The following TBC1D19 variants were observed in gnomAD, a reference collection of about 807,000 sequenced individuals.
TBC1D19 encodes the protein TBC1 domain family member 19.
TBC1D19 carries 60 observed loss-of-function variants against 89.0 expected under a neutral mutation model. That is an observed-to-expected ratio of 0.67 (90% confidence interval 0.55 to 0.84). The LOEUF is 0.84. Ranked by LOEUF, TBC1D19 falls within the 40% of genes least tolerant of loss-of-function variation. TBC1D19 has a pLI of 0.00. For missense variants in TBC1D19, 500 were observed against 610.8 expected (o/e 0.82, Z 1.91); for synonymous variants, 189 against 199.7 (o/e 0.95, Z 0.45).
At chr4:26,792,610 G>GT in the TBC1D19 span, among the ~76,000 whole-genome samples, 1 of 152,322 alleles carries the variant, frequency 6.6e-6, no homozygotes, top group East Asian at 1.9e-4. Context: ...AGCAACCTGC[G>GT]TAAGCATACG....
chr4:26,718,346 T>A (rs1716773482), intron 14 of TBC1D19, among the ~76,000 whole-genome samples: 1 of 151,898 alleles, frequency 6.6e-6, no homozygotes, highest in Non-Finnish European at 1.5e-5. Context: ...TTTCTACTTT[T>A]TTTAACAATC....
At chr4:26,657,005 C>CCTTCTCCTTCTCCTTCTCCTTCTA (rs1744885115) in intron 7 of TBC1D19, among the ~76,000 whole-genome samples, 1 of 46,348 alleles carries the variant, frequency 2.2e-5, no homozygotes. Context: ...TTCTCCTTCT[C>CCTTCTCCTTCTCCTTCTCCTTCTA]CTTCTCCTTC....
chr4:26,767,310 A>T, the TBC1D19 span, among the ~76,000 whole-genome samples: 1 of 152,206 alleles, frequency 6.6e-6, no homozygotes. Flanking sequence ...TTTATCCCAC[A>T]GTTTCTCAGC....
the TBC1D19 span, among the ~76,000 whole-genome samples, chr4:26,839,123 A>G: frequency 1.3e-5 from 2 of 152,226 alleles, no homozygotes; most frequent in African/African-American, 2.4e-5. Context: ...AGGGCTGTCA[A>G]ATAGTTTCCT....
intron 4 of TBC1D19, among the ~76,000 whole-genome samples, chr4:26,626,972 C>T (rs1205533239): frequency 6.6e-6 from 1 of 150,476 alleles, no homozygotes; most frequent in African/African-American, 2.4e-5. Context: ...ATGTGCCATG[C>T]TGGTGTGCTG....
chr4:26,730,360 A>G (rs1317676252), intron 15 of TBC1D19, among the ~76,000 whole-genome samples: 3 of 152,180 alleles, frequency 2.0e-5, no homozygotes, highest in Non-Finnish European at 4.4e-5. Context: ...AAGGAATACA[A>G]TTCTTAAGTA....
chr4:26,768,577 T>C, the TBC1D19 span, among the ~76,000 whole-genome samples: 8 of 152,260 alleles, frequency 5.3e-5, no homozygotes, highest in East Asian at 1.4e-3. Flanking sequence ...TTTTATAACT[T>C]TGTCCTATTT....
chr4:26,622,011 G>T (rs1302201241), intron 4 of TBC1D19, among the ~76,000 whole-genome samples: 1 of 151,898 alleles, frequency 6.6e-6, no homozygotes, highest in Non-Finnish European at 1.5e-5. Flanking sequence ...ACCAAACACC[G>T]CATGTTCTCA....
chr4:26,769,595 T>G, the TBC1D19 span, among the ~76,000 whole-genome samples: 4 of 151,288 alleles, frequency 2.6e-5, no homozygotes, highest in Admixed American at 2.0e-4. Flanking sequence ...CAGCCTGGAG[T>G]GTAGTGGTGT....
chr4:26,753,896 GA>G lies in TBC1D19; in HGVS notation c.1506+7del, dbSNP rs1719117184. 6.2e-7 allele frequency: 1 copy of G among 1,613,726 alleles called. No individual in the cohort carries two copies. Among genetic ancestry groups the G allele is most frequent in the African/African-American group, 1.3e-5 (1 of 74,898 alleles). On this transcript the variant is annotated splice_region_variant and intron_variant, in intron 20 of 20. Transcript: ENST00000264866. ...CATCACTGGCTGCAGCTGAAGTAAGGATAAGTTTCACTCAGATGGGATGGAA... is the reference window on the plus strand; with the variant it reads ...CATCACTGGCTGCAGCTGAAGTAAGGTAAGTTTCACTCAGATGGGATGGAA...
At chr4:26,589,283 AAACAAC>A (rs374314890) in intron 1 of TBC1D19, among the ~76,000 whole-genome samples, 2 of 151,866 alleles carry the variant, frequency 1.3e-5, no homozygotes, top group African/African-American at 2.4e-5. Flanking sequence ...TCAAAAACAC[AAACAAC>A]AACAACAACA....
the TBC1D19 span, among the ~76,000 whole-genome samples, chr4:26,793,449 G>T: frequency 3.3e-5 from 5 of 152,170 alleles, no homozygotes; most frequent in Non-Finnish European, 1.5e-5. Context: ...CTCTGGCTGG[G>T]CACAGTGGCT....
At chr4:26,591,037 A>G (rs1739761312) in intron 1 of TBC1D19, among the ~76,000 whole-genome samples, 2 of 146,474 alleles carry the variant, frequency 1.4e-5, no homozygotes, top group Admixed American at 7.2e-5. Context: ...TATTCTAAAA[A>G]TCCCCTGTGG....
In TBC1D19 at chr4:26,739,966, A is replaced by T; in HGVS notation, c.1220A>T (p.His407Leu). The T allele has an allele frequency of 1.3e-6, 2 of 1,570,356 alleles. No individual in the cohort carries two copies. The highest frequency in any genetic ancestry group is 1.7e-6 in the Non-Finnish European group (2 of 1,155,060). ...TTCAGACTCCATTCCATCTCTTCTC[A>T]TCCTTCTGTAAGTTCATAAGAAAAA... ...FFFRLHSISS[H>L]PSGIVSLCLL... is the part of the protein sequence containing the mutation. The change falls in exon 17 of 21, where the codon CAT (histidine) becomes CTT (leucine). Residue 407 changes from histidine to leucine, a missense_variant. Around this residue, in one of 2 missense-constraint regions of TBC1D19, gnomAD observed 220 missense variants for 319.1 expected, o/e 0.69. Transcript: ENST00000264866.
intron 17 of TBC1D19, chr4:26,740,561 A>G: frequency 5.4e-6 from 4 of 743,426 alleles, no homozygotes; most frequent in African/African-American, 1.9e-5. Flanking sequence ...AGAATCAAGG[A>G]AAAGCATATA....
the TBC1D19 span, among the ~76,000 whole-genome samples, chr4:26,809,261 G>A: frequency 2.6e-5 from 4 of 152,128 alleles, no homozygotes; most frequent in South Asian, 2.1e-4. Flanking sequence ...CCCTGCAGAC[G>A]CTTCTCTCAG....
At chr4:26,828,776 C>T in the TBC1D19 span, among the ~76,000 whole-genome samples, 1 of 152,188 alleles carries the variant, frequency 6.6e-6, no homozygotes, top group Non-Finnish European at 1.5e-5. Flanking sequence ...GATAAATTAA[C>T]AAATACAAAG....
At chr4:26,807,489 T>G in the TBC1D19 span, among the ~76,000 whole-genome samples, 1 of 152,164 alleles carries the variant, frequency 6.6e-6, no homozygotes, top group African/African-American at 2.4e-5. Context: ...TGGTGGTTAT[T>G]TATATAGATC....
chr4:26,576,785 C>G (rs1440715992), exon 1 of TBC1D19: 1 of 456,188 alleles, frequency 2.2e-6, no homozygotes, highest in Non-Finnish European at 4.4e-6. Flanking sequence ...TAAAATAAGA[C>G]TCTGGGATGA....
Sources: allele counts gnomAD v4.1 joint callset (sites outside exome capture counted in the v4.1 genomes callset), GRCh38; gene constraint gnomAD v4.1.1; regional missense constraint gnomAD v4.1.1; transcripts MANE v1.5; gene names NCBI Gene and HGNC (gene_info 2026-07-23, HGNC 2026-07-21).